Variants in DDB2 observed in about 807,000 individuals in gnomAD.
The protein encoded by DDB2 is damage specific DNA binding protein 2, also known as DNA damage-binding protein 2.
Under a neutral mutation model 50.5 loss-of-function variants are expected in DDB2, and 27 were observed. The ratio of observed to expected loss-of-function variants is 0.53; its 90% CI spans 0.39 to 0.74. DDB2 has a LOEUF of 0.74. Ranked by LOEUF, DDB2 falls within the 30% of genes least tolerant of loss-of-function variation. The probability of loss-of-function intolerance (pLI) is 0.00; values close to 1 mark genes in which losing one functional copy is unlikely to be tolerated. For synonymous variants in DDB2, 176 were observed against 205.5 expected (o/e 0.86, Z 1.23); for missense variants, 424 against 545.6 (o/e 0.78, Z 2.22).
chr11:47,231,443 A>T (rs561794517), intron 3 of DDB2, among the ~76,000 whole-genome samples: 4 of 152,372 alleles, frequency 2.6e-5, no homozygotes, highest in South Asian at 2.1e-4. Flanking sequence ...TCTCAGAGGC[A>T]TGATGAGTGA....
At chr11:47,223,978 G>C (rs1401630035) in intron 3 of DDB2, among the ~76,000 whole-genome samples, 1 of 151,920 alleles carries the variant, frequency 6.6e-6, no homozygotes, top group Non-Finnish European at 1.5e-5. Flanking sequence ...GCTTGAACTT[G>C]TAGTTCCAGC....
At chr11:47,215,864 T>C (rs1008807040) in intron 1 of DDB2, 1 of 274,654 alleles carries the variant, frequency 3.6e-6, no homozygotes, top group Non-Finnish European at 7.1e-6. Flanking sequence ...TAATTTCACT[T>C]ACCTCCCCAG....
Position 47,238,229 on chromosome 11 carries a change from T to C in DDB2, c.1234+46T>C, listed in dbSNP as rs768598903. 31 of 1,549,678 alleles carry C rather than the reference T, an allele frequency of 2.0e-5. 1 individual carries two copies. The South Asian group carries it at 3.6e-4, about 18-fold the overall frequency. Reference sequence around the variant, plus strand: ...TCTGACTTGCCAAGTCCGATCCTACTTCCCAAGGTTCAGTGCGGGCCAGCC... The same window carrying C: ...TCTGACTTGCCAAGTCCGATCCTACCTCCCAAGGTTCAGTGCGGGCCAGCC... On this transcript the variant is annotated intron_variant, in intron 9 of 9. Coordinates refer to ENST00000256996, the MANE Select transcript of DDB2 (RefSeq NM_000107.3).
rs1953695822 is a variant in DDB2, at chr11:47,234,605, G to A, written c.635G>A (p.Ser212Asn). The A allele has an allele frequency of 6.2e-7, 1 of 1,614,036 alleles. No homozygotes were observed. Among genetic ancestry groups the A allele is most frequent in the East Asian group, 2.2e-5 (1 of 44,892 alleles). Residue 212 changes from serine to asparagine, a missense_variant, in exon 5 of 10, where the codon AGT (serine) becomes AAT (asparagine). Coordinates refer to ENST00000256996, the MANE Select transcript of DDB2 (RefSeq NM_000107.3). ...TTTTGTAGCCTGGATGTGTCTGCTA[G>A]TAGCCGAATGGTGGTCACAGGAGAC... ...IWFCSLDVSA[S>N]SRMVVTGDNV...
chr11:47,238,572 G>A (rs528355344), intron 9 of DDB2, among the ~76,000 whole-genome samples: 6 of 152,006 alleles, frequency 3.9e-5, no homozygotes, highest in Non-Finnish European at 7.4e-5. Context: ...CTAATTTTTT[G>A]TATTTTTAGT....
chr11:47,219,118 T>C (rs2135488488), intron 3 of DDB2, among the ~76,000 whole-genome samples: 1 of 152,258 alleles, frequency 6.6e-6, no homozygotes, highest in South Asian at 2.1e-4. Context: ...CTAATTTTTG[T>C]ATTTTTAGTA....
upstream of DDB2, chr11:47,214,853 G>T: frequency 2.0e-6 from 1 of 495,914 alleles, no homozygotes. Context: ...ACTGGCCCTG[G>T]CGCAGTTCCC....
chr11:47,230,206 G>A (rs1283341937), intron 3 of DDB2, among the ~76,000 whole-genome samples: 2 of 151,852 alleles, frequency 1.3e-5, no homozygotes, highest in Admixed American at 1.3e-4. Flanking sequence ...AGGCTGAGGC[G>A]GGAGGATTGC....
In DDB2 at chr11:47,238,872, C is replaced by T. The variant is rs200353341; in HGVS notation, c.*23C>T. ...TGAGAGACACTAAAGAAGGTGTGGG[C>T]CAGACAAGGCCTTGGAGCCCACACA... On this transcript the variant is annotated 3_prime_UTR_variant, in exon 10 of 10. Coordinates refer to ENST00000256996, the MANE Select transcript of DDB2 (RefSeq NM_000107.3). 3.9e-5 allele frequency: 63 copies of T among 1,612,060 alleles called. No homozygotes were observed. The East Asian group carries it at 1.4e-3, about 35-fold the overall frequency.
chr11:47,237,689 C>T (rs1472110076), intron 7 of DDB2, 148 bp from the exon 8 acceptor site: 6 of 778,062 alleles, frequency 7.7e-6, no homozygotes, highest in Non-Finnish European at 4.4e-6. Context: ...CCTGCCTCAG[C>T]CTCCCAAAGT....
intron 3 of DDB2, among the ~76,000 whole-genome samples, chr11:47,229,257 G>A (rs551132159): frequency 1.3e-5 from 2 of 152,276 alleles, no homozygotes; most frequent in East Asian, 1.9e-4. Context: ...GGGGTGAAGA[G>A]TAGAGGAGGC....
chr11:47,232,877 G>C lies in DDB2; in HGVS notation c.520G>C (p.Ala174Pro). ...CCCTCTCAATACCAACCAGTTTTAC[G>C]CCTCCTCAATGGAGGGAACAACTAG... ...FNPLNTNQFY[A>P]SSMEGTTRLQ... The change falls in exon 4 of 10, where the codon GCC becomes CCC. Residue 174 changes from alanine to proline, a missense_variant. By Grantham distance (27) the Ala-to-Pro change is conservative. Transcript: ENST00000256996. 6.2e-7 allele frequency: 1 copy of C among 1,614,028 alleles called. No individual in the cohort carries two copies. The highest frequency in any genetic ancestry group is 8.5e-7 in the Non-Finnish European group (1 of 1,179,960).
intron 4 of DDB2, among the ~76,000 whole-genome samples, chr11:47,234,261 G>GT (rs963968771): frequency 6.6e-6 from 1 of 151,666 alleles, no homozygotes; most frequent in Non-Finnish European, 1.5e-5. Context: ...AACCCGGGGT[G>GT]TGGGGGGCAG....
intron 3 of DDB2, among the ~76,000 whole-genome samples, chr11:47,218,007 G>A (rs1953426465): frequency 6.6e-6 from 1 of 152,202 alleles, no homozygotes; most frequent in African/African-American, 2.4e-5. Flanking sequence ...CCGGGTCTCT[G>A]TAATTGCTGT....
At chr11:47,231,623 C>T (rs1590998684) in intron 3 of DDB2, among the ~76,000 whole-genome samples, 2 of 152,200 alleles carry the variant, frequency 1.3e-5, no homozygotes, top group African/African-American at 4.8e-5. Flanking sequence ...TCCAGGCTTC[C>T]GTCATCTTCC....
chr11:47,223,677 G>A (rs925935420), intron 3 of DDB2, among the ~76,000 whole-genome samples: 2 of 152,168 alleles, frequency 1.3e-5, no homozygotes, highest in African/African-American at 4.8e-5. Flanking sequence ...AGCTACTTGG[G>A]AGGCTGAGGC....
chr11:47,228,642 C>CAAAAAAA (rs61273211), intron 3 of DDB2, among the ~76,000 whole-genome samples: 53 of 66,948 alleles, frequency 7.9e-4, no homozygotes, highest in Non-Finnish European at 1.3e-3. Context: ...GACTCTGTCT[C>CAAAAAAA]AAAAAAAAAA....
chr11:47,234,112 CCA>C (rs1294434443), intron 4 of DDB2, among the ~76,000 whole-genome samples: 7 of 152,084 alleles, frequency 4.6e-5, no homozygotes, highest in Non-Finnish European at 4.4e-5. Flanking sequence ...GTTTTTTCCC[CCA>C]GTGTTCAGAA....
At chr11:47,230,171 T>C (rs1423278048) in intron 3 of DDB2, among the ~76,000 whole-genome samples, 1 of 149,904 alleles carries the variant, frequency 6.7e-6, no homozygotes, top group Non-Finnish European at 1.5e-5. Context: ...CACACACCTA[T>C]AGCCTATAGC....
Sources: gnomAD v4.1 joint callset for allele counts (sites outside exome capture counted in the v4.1 genomes callset) on GRCh38, gnomAD v4.1.1 for gene constraint, MANE v1.5 for transcripts, NCBI Gene and HGNC (gene_info 2026-07-23, HGNC 2026-07-21) for gene names.